Variants in TAOK1 observed in about 807,000 individuals in gnomAD.
TAOK1 encodes the protein serine/threonine-protein kinase TAO1.
TAOK1 carries 21 observed loss-of-function variants against 138.3 expected under a neutral mutation model. The ratio of observed to expected loss-of-function variants is 0.15; its 90% CI spans 0.11 to 0.22. TAOK1 has a LOEUF of 0.22. Ranked by LOEUF, TAOK1 falls within the 10% of genes least tolerant of loss-of-function variation. The pLI is 1.00. For synonymous variants in TAOK1, 361 were observed against 398.4 expected (o/e 0.91, Z 1.12); for missense variants, 651 against 1,227.7 (o/e 0.53, Z 7.02).
Position 29,542,957 on chromosome 17 carries a change from G to A in TAOK1, c.2941G>A (p.Gly981Ser), listed in dbSNP as rs1012881461. Residue 981 changes from glycine (G) to serine (S), a missense_variant, in exon 20 of 20, where the codon GGC becomes AGC. Physicochemically the swap from Gly to Ser is moderately conservative, Grantham distance 56. This residue lies in a region of TAOK1 where 108 missense variants were observed against 120.3 expected (regional missense o/e 0.90). Coordinates refer to ENST00000261716, the MANE Select transcript of TAOK1 (RefSeq NM_020791.4). ...RTASGGRTEQ[G>S]MSRSTSVTSQ... is the part of the protein sequence containing the mutation. ...AGCTTCTGGGGGACGGACGGAGCAG[G>A]GCATGAGCAGAAGCACGAGTGTCAC... 1.9e-6 allele frequency: 3 copies of A among 1,612,288 alleles called. No homozygotes were observed. The highest frequency in any genetic ancestry group is 2.5e-6 in the Non-Finnish European group (3 of 1,179,216).
chr17:29,429,476 A>G (rs1020602499), intron 1 of TAOK1, among the ~76,000 whole-genome samples: 1 of 151,982 alleles, frequency 6.6e-6, no homozygotes, highest in Non-Finnish European at 1.5e-5. Context: ...GTGTTTCACC[A>G]TGTTGGCCAG....
At chr17:29,479,790 A>G (rs1040706872) in intron 6 of TAOK1, among the ~76,000 whole-genome samples, 1 of 152,114 alleles carries the variant, frequency 6.6e-6, no homozygotes, top group Non-Finnish European at 1.5e-5. Context: ...TTATATAGAC[A>G]GTATGTTTGC....
intron 1 of TAOK1, among the ~76,000 whole-genome samples, chr17:29,423,991 G>A (rs1293961354): frequency 1.3e-5 from 2 of 150,100 alleles, no homozygotes; most frequent in Admixed American, 6.7e-5. Context: ...GGAGGTTGCA[G>A]TGAGCCAAGA....
At chr17:29,515,632 G>A (rs1441586934) in intron 15 of TAOK1, among the ~76,000 whole-genome samples, 2 of 152,034 alleles carry the variant, frequency 1.3e-5, no homozygotes, top group Non-Finnish European at 2.9e-5. Flanking sequence ...TCAGGAGATC[G>A]AGACCATACT....
chr17:29,530,842 C>T (rs965567983), intron 18 of TAOK1: 24 of 566,114 alleles, frequency 4.2e-5, no homozygotes, highest in Middle Eastern at 4.9e-4. Flanking sequence ...TCTAAATAGG[C>T]TCCCTGCCAG....
chr17:29,476,549 C>T (rs2030945337), intron 4 of TAOK1, among the ~76,000 whole-genome samples: 1 of 152,116 alleles, frequency 6.6e-6, no homozygotes, highest in African/African-American at 2.4e-5. Flanking sequence ...TAAAAAATAC[C>T]TGGCACATAG....
intron 1 of TAOK1, among the ~76,000 whole-genome samples, chr17:29,426,443 T>C (rs1280047417): frequency 6.6e-6 from 1 of 152,110 alleles, no homozygotes; most frequent in African/African-American, 2.4e-5. Flanking sequence ...GTAAGTATAG[T>C]AGTCTGGGAG....
chr17:29,458,983 G>C (rs932205759), intron 2 of TAOK1, among the ~76,000 whole-genome samples: 1 of 151,966 alleles, frequency 6.6e-6, no homozygotes, highest in Non-Finnish European at 1.5e-5. Flanking sequence ...GCCTCCCAAC[G>C]TGCTGAGATT....
intron 1 of TAOK1, among the ~76,000 whole-genome samples, chr17:29,400,390 CAA>C (rs565898026): frequency 6.1e-5 from 5 of 81,944 alleles, no homozygotes; most frequent in Non-Finnish European, 5.3e-5. Context: ...AACTCCGTCT[CAA>C]AAAAAAAAAA....
At chr17:29,490,162 T>TA (rs2053779808) in intron 9 of TAOK1, among the ~76,000 whole-genome samples, 1 of 152,048 alleles carries the variant, frequency 6.6e-6, no homozygotes, top group Admixed American at 6.6e-5. Flanking sequence ...TTATATGATA[T>TA]AAAAATATAA....
chr17:29,493,128 A>G (rs1377720706), intron 10 of TAOK1, among the ~76,000 whole-genome samples: 2 of 151,972 alleles, frequency 1.3e-5, no homozygotes, highest in African/African-American at 4.8e-5. Context: ...CGATAGAGTG[A>G]GACTGTGTCT....
chr17:29,442,010 C>A (rs757330692), intron 1 of TAOK1, among the ~76,000 whole-genome samples: 1 of 151,786 alleles, frequency 6.6e-6, no homozygotes, highest in Non-Finnish European at 1.5e-5. Context: ...TTTTCAAGAA[C>A]CAACTTCTTG....
chr17:29,480,539 A>C, intron 7 of TAOK1, 58 bp downstream of exon 7: 1 of 1,426,634 alleles, frequency 7.0e-7, no homozygotes, highest in Non-Finnish European at 9.7e-7. Context: ...GTTTAACATG[A>C]AATACAAATG....
intron 1 of TAOK1, among the ~76,000 whole-genome samples, chr17:29,442,120 A>G (rs1293760976): frequency 6.6e-6 from 1 of 151,468 alleles, no homozygotes; most frequent in Non-Finnish European, 1.5e-5. Flanking sequence ...ATGGTTCACT[A>G]CAGCCTCAAC....
intron 1 of TAOK1, among the ~76,000 whole-genome samples, chr17:29,414,230 A>G (rs1905213648): frequency 6.6e-6 from 1 of 150,812 alleles, no homozygotes; most frequent in East Asian, 2.0e-4. Flanking sequence ...AGCTTCATCC[A>G]TGGTGGAGCA....
intron 3 of TAOK1, among the ~76,000 whole-genome samples, chr17:29,473,565 C>T (rs2153026261): frequency 6.7e-6 from 1 of 149,646 alleles, no homozygotes; most frequent in South Asian, 2.1e-4. Flanking sequence ...TGCCACTGCA[C>T]TCCAGTGTGG....
In TAOK1 at chr17:29,507,553, G is replaced by A. The variant is rs147095487; in HGVS notation, c.1339-343G>A. Among the ~76,000 whole-genome samples the A allele has an allele frequency of 2.1e-4, 32 of 152,210 alleles. No individual in the cohort carries two copies. The East Asian group carries it at 6.0e-3, about 28-fold the overall frequency. ...GACTTTCTTGGTAGAAAAATCAATTGAACATATGTGGATCTCTTTCTAGTT... is the reference window on the plus strand; with the variant it reads ...GACTTTCTTGGTAGAAAAATCAATTAAACATATGTGGATCTCTTTCTAGTT... On this transcript the variant is annotated intron_variant, in intron 13 of 19. Transcript: ENST00000261716.
chr17:29,531,048 G>A (rs924372826), intron 18 of TAOK1, among the ~76,000 whole-genome samples: 1 of 136,662 alleles, frequency 7.3e-6, no homozygotes, highest in Admixed American at 8.4e-5. Context: ...TGCAAGCTCC[G>A]CCTCCCGGGT....
chr17:29,503,729 C>CT (rs2031575204), intron 13 of TAOK1, among the ~76,000 whole-genome samples: 1 of 151,904 alleles, frequency 6.6e-6, no homozygotes, highest in South Asian at 2.1e-4. Context: ...AATTGTAGCA[C>CT]TTTGGGAGGC....
Sources: gnomAD v4.1 joint callset for allele counts (sites outside exome capture counted in the v4.1 genomes callset) on GRCh38, gnomAD v4.1.1 for gene constraint, gnomAD v4.1.1 regional missense constraint, MANE v1.5 for transcripts, NCBI Gene and HGNC (gene_info 2026-07-23, HGNC 2026-07-21) for gene names.